Variants in NARS2 observed in about 807,000 individuals in gnomAD.
The protein encoded by NARS2 is asparaginyl-tRNA synthetase.
A neutral mutation model predicts 62.9 loss-of-function variants in NARS2; 60 were observed. The observed-to-expected ratio is 0.95, with a 90% CI of 0.77 to 1.18. The LOEUF (loss-of-function observed/expected upper bound fraction) is 1.18, where lower values mean the gene tolerates loss of function less well. Among genes scored for constraint, NARS2 ranks in the 50% most tolerant of loss-of-function variants. The pLI, the probability that NARS2 is intolerant of heterozygous loss-of-function variation, is 0.00. For synonymous variants in NARS2, 196 were observed against 200.0 expected (o/e 0.98, Z 0.17); for missense variants, 619 against 576.4 (o/e 1.07, Z -0.76).
At chr11:78,525,570 A>C (rs1861266879) in intron 6 of NARS2, among the ~76,000 whole-genome samples, 1 of 152,150 alleles carries the variant, frequency 6.6e-6, no homozygotes, top group Non-Finnish European at 1.5e-5. Flanking sequence ...GATATAAATG[A>C]TTACACAAAT....
chr11:78,488,374 A>T (rs960498502), intron 7 of NARS2, among the ~76,000 whole-genome samples: 1 of 152,180 alleles, frequency 6.6e-6, no homozygotes, highest in Admixed American at 6.5e-5. Context: ...GTTGAGAGTT[A>T]GAAAGATTTG....
intron 4 of NARS2, among the ~76,000 whole-genome samples, chr11:78,561,047 T>G (rs1372715879): frequency 6.6e-6 from 1 of 152,130 alleles, no homozygotes; most frequent in East Asian, 1.9e-4. Context: ...TTAGAACTGG[T>G]CAAATGCCAC....
At chr11:78,528,712 A>C in intron 6 of NARS2, 130 bp downstream of exon 6, 1 of 647,186 alleles carries the variant, frequency 1.5e-6, no homozygotes, top group Non-Finnish European at 2.7e-6. Context: ...AAGAAGCTTA[A>C]ATATTTTGGA....
At chr11:78,461,307 T>C (rs10899513) in intron 11 of NARS2, among the ~76,000 whole-genome samples, 41,178 of 151,626 alleles carry the variant, frequency 0.27, 6,276 homozygotes, top group East Asian at 0.42. Flanking sequence ...GATGAATAGA[T>C]AGAAATGGAT....
chr11:78,454,936 T>C (rs1202854407), intron 11 of NARS2, among the ~76,000 whole-genome samples: 1 of 152,184 alleles, frequency 6.6e-6, no homozygotes, highest in Non-Finnish European at 1.5e-5. Flanking sequence ...TATTTTTTTA[T>C]AGCAACTTAG....
intron 5 of NARS2, among the ~76,000 whole-genome samples, chr11:78,552,645 G>A (rs575777430): frequency 1.3e-5 from 2 of 152,154 alleles, no homozygotes; most frequent in Non-Finnish European, 2.9e-5. Context: ...CAGAAACTCA[G>A]TAAGAATGCA....
chr11:78,557,526 C>T (rs1856396558), intron 5 of NARS2, among the ~76,000 whole-genome samples: 1 of 152,148 alleles, frequency 6.6e-6, no homozygotes, highest in Admixed American at 6.5e-5. Context: ...GCATAAAAGC[C>T]AGATAGCACA....
rs2135383281 is a variant in NARS2, at chr11:78,509,641, T to C, written c.690-16446A>G. Among the ~76,000 whole-genome samples, 3 of 152,238 alleles carry C rather than the reference T, an allele frequency of 2.0e-5. No individual in the cohort carries two copies. The South Asian group carries it at 6.2e-4, about 32-fold the overall frequency. ...GAGGTTAATGCATTTCAAAGATTTA[T>C]TCATGTATGTTTTGGGGCACACCTG... is the stretch of plus-strand genomic sequence containing the variant. On this transcript the variant is annotated intron_variant, in intron 6 of 13. Transcript: ENST00000281038.
chr11:78,449,804 T>C (rs547765732), intron 11 of NARS2, among the ~76,000 whole-genome samples: 2 of 152,278 alleles, frequency 1.3e-5, no homozygotes, highest in Admixed American at 1.3e-4. Flanking sequence ...ACCAAAAACA[T>C]TTCCAGACAT....
At chr11:78,482,081 T>C (rs1456064096) in intron 7 of NARS2, among the ~76,000 whole-genome samples, 2 of 152,170 alleles carry the variant, frequency 1.3e-5, no homozygotes, top group Non-Finnish European at 2.9e-5. Context: ...CCTTTGTGTG[T>C]AATTATGTAA....
rs183511255 is a variant in NARS2 at position 78,569,973 on chromosome 11, G to A, written c.252-1221C>T. Among the ~76,000 whole-genome samples the A allele has an allele frequency of 2.6e-5, 4 of 152,300 alleles. No individual in the cohort carries two copies. In the East Asian group the frequency reaches 7.7e-4, roughly 29 times the overall value. On this transcript the variant is annotated intron_variant, in intron 2 of 13. Transcript: ENST00000281038. ...GGAGGCTGAGGCAGGCAGATCACTT[G>A]AGGTCAGGAGTTCGAGACCAGCCTG...
intron 7 of NARS2, among the ~76,000 whole-genome samples, chr11:78,491,984 C>T (rs969523837): frequency 6.6e-6 from 1 of 151,760 alleles, no homozygotes; most frequent in Non-Finnish European, 1.5e-5. Context: ...ATTACAAATC[C>T]AAACTAAGAT....
intron 11 of NARS2, among the ~76,000 whole-genome samples, chr11:78,454,354 G>A (rs1858077100): frequency 6.6e-6 from 1 of 152,200 alleles, no homozygotes; most frequent in Admixed American, 6.5e-5. Context: ...GCCTCCTCAT[G>A]AATGGCGTTG....
intron 2 of NARS2, among the ~76,000 whole-genome samples, chr11:78,569,921 G>T (rs776338251): frequency 1.3e-5 from 2 of 152,166 alleles, no homozygotes; most frequent in African/African-American, 2.4e-5. Flanking sequence ...AGGTGTGGTG[G>T]CTCATGCCTG....
chr11:78,562,213 T>C (rs535814960), intron 4 of NARS2, among the ~76,000 whole-genome samples: 177 of 151,978 alleles, frequency 1.2e-3, no homozygotes, highest in African/African-American at 4.1e-3. Flanking sequence ...TGCTTGGGCC[T>C]AGGAGTTCAA....
intron 10 of NARS2, among the ~76,000 whole-genome samples, chr11:78,466,488 T>C (rs1268845907): frequency 6.6e-6 from 1 of 151,658 alleles, no homozygotes; most frequent in African/African-American, 2.4e-5. Context: ...TTGGTGACTT[T>C]TGTTTTTTTT....
intron 4 of NARS2, among the ~76,000 whole-genome samples, chr11:78,563,398 A>G (rs1479197544): frequency 1.3e-5 from 2 of 151,552 alleles, no homozygotes; most frequent in Non-Finnish European, 2.9e-5. Context: ...TTGTATTTTT[A>G]GTAGACACGG....
intron 13 of NARS2, among the ~76,000 whole-genome samples, chr11:78,440,345 T>C (rs1473445415): frequency 2.0e-5 from 3 of 151,950 alleles, no homozygotes; most frequent in Non-Finnish European, 4.4e-5. Flanking sequence ...ATTACAGGCG[T>C]GAGCCACCAT....
chr11:78,559,657 A>T, intron 4 of NARS2, 38 bp from the exon 5 acceptor site: 1 of 1,362,010 alleles, frequency 7.3e-7, no homozygotes, highest in South Asian at 1.2e-5. Context: ...ATATTTGCAC[A>T]TTCAACAATT....
Sources: gnomAD v4.1 joint callset for allele counts (sites outside exome capture counted in the v4.1 genomes callset) on GRCh38, gnomAD v4.1.1 for gene constraint, MANE v1.5 for transcripts, NCBI Gene and HGNC (gene_info 2026-07-23, HGNC 2026-07-21) for gene names.